The following FHIT variants were observed in gnomAD, a reference collection of about 807,000 sequenced individuals.
The protein encoded by FHIT is bis(5'-adenosyl)-triphosphatase.
Under a neutral mutation model 17.9 loss-of-function variants are expected in FHIT, and 19 were observed. The ratio of observed to expected loss-of-function variants is 1.06; its 90% confidence interval spans 0.74 to 1.56. The LOEUF is 1.56. Among genes scored for constraint, FHIT ranks in the 40% most tolerant of loss-of-function variants. The pLI is 0.00. For missense variants in FHIT, 248 were observed against 189.2 expected (o/e 1.31, Z -1.82); for synonymous variants, 81 against 69.7 (o/e 1.16, Z -0.81).
intron 5 of FHIT, among the ~76,000 whole-genome samples, chr3:60,143,993 G>C (rs1056132214): frequency 6.6e-6 from 1 of 152,128 alleles, no homozygotes; most frequent in East Asian, 1.9e-4. Flanking sequence ...AACAACACTA[G>C]GCATGAAAGT....
chr3:60,935,041 G>A (rs547786997), intron 3 of FHIT, among the ~76,000 whole-genome samples: 2 of 152,086 alleles, frequency 1.3e-5, no homozygotes, highest in African/African-American at 4.8e-5. Context: ...AGTGAGAGAG[G>A]CACTTTAAAA....
intron 8 of FHIT, among the ~76,000 whole-genome samples, chr3:59,782,206 G>C (rs1454434426): frequency 1.3e-5 from 2 of 152,054 alleles, no homozygotes; most frequent in African/African-American, 4.8e-5. Flanking sequence ...CACCCGCCTC[G>C]GCCTCCCAAA....
intron 4 of FHIT, among the ~76,000 whole-genome samples, chr3:60,612,679 A>G (rs1553674132): frequency 6.6e-6 from 1 of 152,228 alleles, no homozygotes; most frequent in African/African-American, 2.4e-5. Context: ...AAGAAGGGAT[A>G]TCATTCATCT....
At chr3:60,364,362 C>T (rs1700025479) in intron 5 of FHIT, among the ~76,000 whole-genome samples, 4 of 152,206 alleles carry the variant, frequency 2.6e-5, no homozygotes, top group Admixed American at 2.6e-4. Flanking sequence ...TGACCCCCTC[C>T]TTGCCATGGG....
At chr3:60,171,639 T>A (rs1207067976) in intron 5 of FHIT, among the ~76,000 whole-genome samples, 1 of 152,220 alleles carries the variant, frequency 6.6e-6, no homozygotes, top group Non-Finnish European at 1.5e-5. Context: ...ATTCTTGGAA[T>A]TTTTTAAATT....
At chr3:60,957,657 T>C (rs1171317921) in intron 3 of FHIT, among the ~76,000 whole-genome samples, 2 of 152,238 alleles carry the variant, frequency 1.3e-5, no homozygotes, top group Admixed American at 1.3e-4. Context: ...TGTCAATTTC[T>C]TCACCATACA....
At chr3:60,268,672 T>C (rs1706710451) in intron 5 of FHIT, among the ~76,000 whole-genome samples, 1 of 152,238 alleles carries the variant, frequency 6.6e-6, no homozygotes, top group African/African-American at 2.4e-5. Flanking sequence ...TCCTCCATAG[T>C]ATCTGTGTTC....
At chr3:59,976,079 T>G (rs1488821363) in intron 7 of FHIT, among the ~76,000 whole-genome samples, 2 of 152,104 alleles carry the variant, frequency 1.3e-5, no homozygotes. Flanking sequence ...TTTCTTCATT[T>G]GCAAAATGAG....
chr3:60,410,500 T>C (rs1702023202), intron 5 of FHIT, among the ~76,000 whole-genome samples: 1 of 152,180 alleles, frequency 6.6e-6, no homozygotes, highest in African/African-American at 2.4e-5. Flanking sequence ...ATTTTAAATA[T>C]TTTAATTGCC....
chr3:60,702,613 A>T (rs1237187914), intron 4 of FHIT, among the ~76,000 whole-genome samples: 1 of 152,138 alleles, frequency 6.6e-6, no homozygotes, highest in African/African-American at 2.4e-5. Flanking sequence ...TCCAGCTAAC[A>T]TGTTTTCTTA....
chr3:59,916,399 C>G (rs1705136922), intron 8 of FHIT, among the ~76,000 whole-genome samples: 1 of 152,130 alleles, frequency 6.6e-6, no homozygotes, highest in African/African-American at 2.4e-5. Context: ...CTTCCTTGCT[C>G]CTCCGCTTGC....
rs143456607 is a variant in FHIT, at chr3:60,433,881, G to T, written c.103+102979C>A. Among the ~76,000 whole-genome samples the T allele has an allele frequency of 5.6e-4, 85 of 152,118 alleles. No homozygotes were observed. The East Asian group carries it at 0.011, about 19-fold the overall frequency. The stretch of plus-strand genomic sequence containing the variant: ...ATTCCATAGGTGGCTTTTCCACTCT[G>T]TTGACTGTTTCCTTTGCTGTGCAGA... On this transcript the variant is annotated intron_variant, in intron 5 of 9. Coordinates refer to ENST00000492590, the MANE Select transcript of FHIT (RefSeq NM_002012.4).
chr3:61,064,800 T>C (rs140571294), intron 2 of FHIT, among the ~76,000 whole-genome samples: 1 of 152,254 alleles, frequency 6.6e-6, no homozygotes, highest in East Asian at 1.9e-4. Flanking sequence ...GGCAACTGTG[T>C]ATATGCTGCC....
chr3:60,216,984 GA>G (rs1426441095), intron 5 of FHIT, among the ~76,000 whole-genome samples: 6 of 152,080 alleles, frequency 3.9e-5, no homozygotes, highest in Non-Finnish European at 5.9e-5. Context: ...CCAGCTCCGA[GA>G]ATATAAAAAT....
chr3:61,067,661 C>T (rs2034659041), intron 2 of FHIT, among the ~76,000 whole-genome samples: 1 of 152,266 alleles, frequency 6.6e-6, no homozygotes, highest in East Asian at 1.9e-4. Flanking sequence ...CCAACAATCA[C>T]ATTGTCAGTA....
chr3:60,156,027 C>A (rs1700673375), intron 5 of FHIT, among the ~76,000 whole-genome samples: 1 of 152,118 alleles, frequency 6.6e-6, no homozygotes, highest in Admixed American at 6.5e-5. Flanking sequence ...AAGATTGGAA[C>A]TGTTTCCTAG....
chr3:60,927,836 A>G (rs12214693), intron 3 of FHIT, among the ~76,000 whole-genome samples: 1 of 152,266 alleles, frequency 6.6e-6, no homozygotes, highest in South Asian at 2.1e-4. Context: ...AGAACAGGCC[A>G]TGACGATGAT....
At chr3:60,996,659 T>C (rs1356084105) in intron 3 of FHIT, among the ~76,000 whole-genome samples, 1 of 152,188 alleles carries the variant, frequency 6.6e-6, no homozygotes, top group Non-Finnish European at 1.5e-5. Context: ...ATACATATAA[T>C]CAACATTAAC....
chr3:60,878,829 T>A (rs1313204237), intron 3 of FHIT, among the ~76,000 whole-genome samples: 22 of 152,224 alleles, frequency 1.4e-4, no homozygotes, highest in Non-Finnish European at 2.9e-4. Context: ...TCATCCTTTT[T>A]TATGGCTGCA....
Sources: gnomAD v4.1 joint callset for allele counts (sites outside exome capture counted in the v4.1 genomes callset) on GRCh38, gnomAD v4.1.1 for gene constraint, MANE v1.5 for transcripts, NCBI Gene and HGNC (gene_info 2026-07-23, HGNC 2026-07-21) for gene names.